The following FBN1 variants were observed in gnomAD, a reference collection of about 807,000 sequenced individuals.
FBN1 encodes the protein fibrillin 1.
FBN1 carries 29 observed loss-of-function variants against 365.1 expected under a neutral mutation model. That is an observed-to-expected ratio of 0.08 (90% CI 0.06 to 0.11). The LOEUF is 0.11. FBN1 is among the 10% of genes least tolerant of loss of function. The pLI, the probability that FBN1 is intolerant of heterozygous loss-of-function variation, is 1.00. For synonymous variants in FBN1, 1,210 were observed against 1,270.5 expected (o/e 0.95, Z 1.01); for missense variants, 2,476 against 3,703.2 (o/e 0.67, Z 8.60).
chr15:48,627,295 T>C (rs1162965710), intron 2 of FBN1, among the ~76,000 whole-genome samples: 2 of 152,236 alleles, frequency 1.3e-5, no homozygotes, highest in African/African-American at 2.4e-5. Flanking sequence ...TTCACTCCTA[T>C]AGATTGGCAC....
At chr15:48,492,344 T>C in intron 24 of FBN1, 117 bp downstream of exon 24, 1 of 1,007,626 alleles carries the variant, frequency 9.9e-7, no homozygotes. Flanking sequence ...TCGGACATGC[T>C]GAATTTTGGA....
chr15:48,459,304 G>A (rs1028577130), intron 43 of FBN1, among the ~76,000 whole-genome samples: 1 of 152,162 alleles, frequency 6.6e-6, no homozygotes, highest in African/African-American at 2.4e-5. Context: ...CTAGGGCCAG[G>A]TGTTCCATGC....
intron 8 of FBN1, among the ~76,000 whole-genome samples, chr15:48,528,269 G>T (rs753762521): frequency 6.6e-6 from 1 of 152,176 alleles, no homozygotes; most frequent in African/African-American, 2.4e-5. Flanking sequence ...TTAAACAATA[G>T]AATTAACATT....
At chr15:48,635,578 T>C (rs1318916638) in intron 2 of FBN1, among the ~76,000 whole-genome samples, 1 of 152,230 alleles carries the variant, frequency 6.6e-6, no homozygotes, top group East Asian at 1.9e-4. Context: ...CATTTGAGGC[T>C]ATAAATAGAA....
At chr15:48,479,263 T>C (rs929841467) in intron 32 of FBN1, among the ~76,000 whole-genome samples, 3 of 152,186 alleles carry the variant, frequency 2.0e-5, no homozygotes, top group Admixed American at 2.0e-4. Context: ...AAAACACGTT[T>C]TCAAGTATAC....
chr15:48,515,296 G>T, intron 12 of FBN1, 91 bp downstream of exon 12: 1 of 1,462,358 alleles, frequency 6.8e-7, no homozygotes, highest in South Asian at 1.2e-5. Context: ...CAAGTTTGGG[G>T]TAAGTTGTTA....
intron 5 of FBN1, among the ~76,000 whole-genome samples, chr15:48,599,538 C>CA (rs558669331): frequency 0.14 from 19,367 of 137,334 alleles, 4,121 homozygotes; most frequent in African/African-American, 0.46. Flanking sequence ...CTTAAAGTAA[C>CA]AAAAAAAAAA....
chr15:48,641,909 T>A (rs2140782020), intron 2 of FBN1: 1 of 152,348 alleles, frequency 6.6e-6, no homozygotes, highest in Middle Eastern at 3.4e-3. Flanking sequence ...AATTGGGGTT[T>A]GCTTAAAATC....
At chr15:48,625,589 G>A (rs1037154460) in intron 2 of FBN1, among the ~76,000 whole-genome samples, 1 of 152,200 alleles carries the variant, frequency 6.6e-6, no homozygotes, top group Non-Finnish European at 1.5e-5. Context: ...AAAACCTGGA[G>A]AGTTCTCATC....
At chr15:48,560,627 G>A (rs777634215) in intron 6 of FBN1, among the ~76,000 whole-genome samples, 7 of 152,228 alleles carry the variant, frequency 4.6e-5, no homozygotes, top group East Asian at 1.9e-4. Flanking sequence ...AGTATTCCTC[G>A]GTTGTCTTCG....
At chr15:48,454,683 C>T (rs1381993833) in intron 44 of FBN1, among the ~76,000 whole-genome samples, 1 of 152,194 alleles carries the variant, frequency 6.6e-6, no homozygotes, top group African/African-American at 2.4e-5. Flanking sequence ...CAGAAGTTGG[C>T]TCGACCAAAG....
intron 50 of FBN1, among the ~76,000 whole-genome samples, chr15:48,439,309 T>C (rs1203849767): frequency 6.6e-6 from 1 of 152,224 alleles, no homozygotes; most frequent in African/African-American, 2.4e-5. Flanking sequence ...CTTCCCCATC[T>C]GTTGTGGCAA....
rs549498511 is a variant in FBN1, at chr15:48,409,553, C to T, written c.*1437G>A. On this transcript the variant is annotated 3_prime_UTR_variant, in exon 66 of 66. Transcript: ENST00000316623. Reference sequence around the variant, plus strand: ...ACTCAATATTGCACTTAAAATAAAACAGACTTTAAAAATTATGACATTAAG... The same window carrying T: ...ACTCAATATTGCACTTAAAATAAAATAGACTTTAAAAATTATGACATTAAG... 33 of 152,160 alleles carry T rather than the reference C, an allele frequency of 2.2e-4. 1 individual carries two copies. The South Asian group carries it at 6.6e-3, about 31-fold the overall frequency. 9.4% of individuals were successfully genotyped at this position (152,160 alleles called of 1,614,324 possible). A position where few individuals can be genotyped will look rare whatever the true frequency, so the allele number is the denominator to read the frequency against.
rs771774410 is a variant in FBN1 at position 48,520,847 on chromosome 15, C to T, written c.989-30G>A. The T allele has an allele frequency of 1.9e-6, 3 of 1,613,824 alleles. No homozygotes were observed. In the South Asian group the frequency reaches 3.3e-5, roughly 18 times the overall value. The stretch of plus-strand genomic sequence containing the variant: ...GGACAAAGAAACACATACACACACA[C>T]ACATCGCTGAGATAATACTTGTAAC... On this transcript the variant is annotated intron_variant, in intron 9 of 65. Transcript: ENST00000316623.
At chr15:48,429,244 T>C (rs1483290053) in intron 56 of FBN1, among the ~76,000 whole-genome samples, 1 of 152,236 alleles carries the variant, frequency 6.6e-6, no homozygotes, top group Non-Finnish European at 1.5e-5. Flanking sequence ...GTTAGAATAA[T>C]ATCTGTAATG....
At chr15:48,435,672 G>A (rs970754485) in intron 53 of FBN1, among the ~76,000 whole-genome samples, 9 of 150,460 alleles carry the variant, frequency 6.0e-5, no homozygotes, top group Non-Finnish European at 8.9e-5. Context: ...TAAAATGTGT[G>A]TGTGTGTGTG....
At chr15:48,606,689 C>T (rs1344561882) in intron 4 of FBN1, among the ~76,000 whole-genome samples, 2 of 152,208 alleles carry the variant, frequency 1.3e-5, no homozygotes, top group African/African-American at 4.8e-5. Flanking sequence ...TATCCTGGTT[C>T]TGCTCTTGTA....
At chr15:48,591,504 A>G (rs896350689) in intron 6 of FBN1, among the ~76,000 whole-genome samples, 2 of 152,216 alleles carry the variant, frequency 1.3e-5, no homozygotes, top group Non-Finnish European at 2.9e-5. Context: ...GCACATTTAT[A>G]TGTCCTGTAA....
intron 4 of FBN1, among the ~76,000 whole-genome samples, chr15:48,601,657 G>A (rs772704770): frequency 2.0e-5 from 3 of 152,110 alleles, no homozygotes; most frequent in Non-Finnish European, 4.4e-5. Context: ...CCTCAGCCAC[G>A]GTATTGAAAA....
Sources: gnomAD v4.1 joint callset for allele counts (sites outside exome capture counted in the v4.1 genomes callset) on GRCh38, gnomAD v4.1.1 for gene constraint, MANE v1.5 for transcripts, NCBI Gene and HGNC (gene_info 2026-07-23, HGNC 2026-07-21) for gene names.